The following IMMP2L variants were observed in gnomAD, a reference collection of about 807,000 sequenced individuals.
IMMP2L encodes the protein mitochondrial inner membrane protease subunit 2.
IMMP2L carries 18 observed loss-of-function variants against 19.3 expected under a neutral mutation model. The ratio of observed to expected loss-of-function variants is 0.93; its 90% CI spans 0.64 to 1.38. The LOEUF is 1.38. IMMP2L is among the 40% of genes most tolerant of loss of function. The pLI is 0.00. For synonymous variants in IMMP2L, 76 were observed against 73.0 expected (o/e 1.04, Z -0.21); for missense variants, 233 against 218.2 (o/e 1.07, Z -0.43).
intron 5 of IMMP2L, among the ~76,000 whole-genome samples, chr7:110,696,593 A>C (rs2130596554): frequency 6.6e-6 from 1 of 151,762 alleles, no homozygotes; most frequent in South Asian, 2.1e-4. Flanking sequence ...TGCCCGGCTG[A>C]TTTTTGTATT....
rs12705732 is a variant in IMMP2L at position 110,716,389 on chromosome 7, G to T, written c.409-52668C>A. 3.5e-3 allele frequency among the ~76,000 whole-genome samples: 530 copies of T among 152,006 alleles called. 4 individuals carry two copies. The highest frequency in any genetic ancestry group is 0.012 in the African/African-American group (499 of 41,482). ...GTTGCTATTGTGTGGTTGCTTTATA[G>T]GGTCTGAGGGCTATGTACGTAAGTG... is the stretch of plus-strand genomic sequence containing the variant. On this transcript the variant is annotated intron_variant, in intron 5 of 5. Coordinates refer to ENST00000405709, the MANE Select transcript of IMMP2L (RefSeq NM_032549.4).
intron 1 of IMMP2L, among the ~76,000 whole-genome samples, chr7:111,548,857 A>T (rs1449741899): frequency 6.6e-6 from 1 of 152,178 alleles, no homozygotes; most frequent in African/African-American, 2.4e-5. Context: ...GAGACTGGTC[A>T]TAAGTGCTTT....
At chr7:111,464,917 T>C (rs935619229) in intron 3 of IMMP2L, among the ~76,000 whole-genome samples, 1 of 152,084 alleles carries the variant, frequency 6.6e-6, no homozygotes, top group African/African-American at 2.4e-5. Context: ...GCCTCCCAAG[T>C]AGCTGGGACT....
At chr7:110,825,929 A>G (rs1236354703) in intron 5 of IMMP2L, among the ~76,000 whole-genome samples, 1 of 152,196 alleles carries the variant, frequency 6.6e-6, no homozygotes, top group Non-Finnish European at 1.5e-5. Flanking sequence ...AATTTTCGCA[A>G]TCTGGTCATC....
chr7:111,398,609 T>C (rs1833108169), intron 3 of IMMP2L, among the ~76,000 whole-genome samples: 1 of 151,992 alleles, frequency 6.6e-6, no homozygotes, highest in Non-Finnish European at 1.5e-5. Flanking sequence ...AGCATAGTAC[T>C]GGAAGTCCTA....
intron 5 of IMMP2L, among the ~76,000 whole-genome samples, chr7:110,665,285 T>C (rs1464091503): frequency 1.3e-5 from 2 of 152,228 alleles, no homozygotes; most frequent in Admixed American, 1.3e-4. Context: ...TATGTACATA[T>C]ATGAGACATG....
At chr7:110,817,713 T>C (rs1177653608) in intron 5 of IMMP2L, among the ~76,000 whole-genome samples, 1 of 152,018 alleles carries the variant, frequency 6.6e-6, no homozygotes, top group Non-Finnish European at 1.5e-5. Flanking sequence ...CTTCAAACTA[T>C]ACTACGAGGC....
At chr7:111,367,864 C>T (rs1047369848) in intron 3 of IMMP2L, among the ~76,000 whole-genome samples, 3 of 151,644 alleles carry the variant, frequency 2.0e-5, no homozygotes, top group African/African-American at 4.8e-5. Context: ...TACTTTAAAA[C>T]CAGTGGATAA....
chr7:111,127,979 C>T (rs1371471724), intron 3 of IMMP2L, among the ~76,000 whole-genome samples: 1 of 151,908 alleles, frequency 6.6e-6, no homozygotes, highest in African/African-American at 2.4e-5. Flanking sequence ...AGCTAAGCAG[C>T]AACAGGTTGG....
chr7:111,436,760 AAAG>A (rs1837211398), intron 3 of IMMP2L, among the ~76,000 whole-genome samples: 1 of 151,906 alleles, frequency 6.6e-6, no homozygotes. Context: ...GGTAATTTAT[AAAG>A]AAGAGGTTTA....
At chr7:111,343,758 G>T (rs2130813599) in intron 3 of IMMP2L, among the ~76,000 whole-genome samples, 1 of 152,182 alleles carries the variant, frequency 6.6e-6, no homozygotes, top group Admixed American at 6.5e-5. Flanking sequence ...GATGGTCTAG[G>T]TGTTCATTTA....
Position 111,123,693 on chromosome 7 carries a change from C to G in IMMP2L, c.240-160128G>C. The stretch of plus-strand genomic sequence containing the variant: ...CCATCGATAGTCTTGCTGTGGATAA[C>G]CTGCCAGATTTAAGAAAAATAGAAG... On this transcript the variant is annotated intron_variant, in intron 3 of 5. Coordinates refer to ENST00000405709, the MANE Select transcript of IMMP2L (RefSeq NM_032549.4). This position sits in a 1 kb window ranked among gnomAD's most constrained non-coding sequence, Gnocchi z 6.4. 6.2e-7 allele frequency: 1 copy of G among 1,613,800 alleles called. No homozygotes were observed. Among genetic ancestry groups the G allele is most frequent in the South Asian group, 1.1e-5 (1 of 91,070 alleles).
intron 5 of IMMP2L, among the ~76,000 whole-genome samples, chr7:110,784,151 G>T (rs2131100159): frequency 6.6e-6 from 1 of 151,822 alleles, no homozygotes; most frequent in African/African-American, 2.4e-5. Context: ...CCTCATCATT[G>T]GTATAATTCC....
intron 5 of IMMP2L, among the ~76,000 whole-genome samples, chr7:110,744,185 G>A (rs534620254): frequency 6.6e-6 from 1 of 152,168 alleles, no homozygotes; most frequent in African/African-American, 2.4e-5. Flanking sequence ...CAGAAAGGCT[G>A]CTGCAGCCAG....
At chr7:111,132,658 A>C (rs1381396568) in intron 3 of IMMP2L, among the ~76,000 whole-genome samples, 2 of 152,028 alleles carry the variant, frequency 1.3e-5, no homozygotes, top group African/African-American at 4.8e-5. Flanking sequence ...AAATTGTATA[A>C]TGTAGTTCAA....
chr7:110,807,797 C>T (rs1801733570), intron 5 of IMMP2L, among the ~76,000 whole-genome samples: 2 of 151,998 alleles, frequency 1.3e-5, no homozygotes, highest in Non-Finnish European at 2.9e-5. Flanking sequence ...CAAATCTTGT[C>T]ATCCTCACAA....
intron 3 of IMMP2L, among the ~76,000 whole-genome samples, chr7:111,101,296 T>C (rs139778488): frequency 1.0e-3 from 151 of 151,586 alleles, no homozygotes; most frequent in African/African-American, 3.5e-3. Context: ...TCCCTAGTCA[T>C]TGAACAGAAC....
At position 111,447,182 on chromosome 7, in the gene IMMP2L, G is replaced by A. The variant is rs531114446; in HGVS notation, c.239+40056C>T. Among the ~76,000 whole-genome samples the A allele has an allele frequency of 6.3e-3, 925 of 147,318 alleles. 6 individuals carry two copies. Among genetic ancestry groups the A allele is most frequent in the African/African-American group, 0.023 (877 of 38,908 alleles). On this transcript the variant is annotated intron_variant, in intron 3 of 5. Coordinates refer to ENST00000405709, the MANE Select transcript of IMMP2L (RefSeq NM_032549.4). ...CCCCAATCTAGCAAGGCAGGCCGAC[G>A]TTCAGATTCAGGAAATACAGAGAAC... is the stretch of plus-strand genomic sequence containing the variant.
chr7:111,156,524 T>C (rs1237197216), intron 3 of IMMP2L, among the ~76,000 whole-genome samples: 2 of 152,126 alleles, frequency 1.3e-5, no homozygotes, highest in Non-Finnish European at 2.9e-5. Context: ...GAATATTTAA[T>C]TGGGATTACA....
Sources: gnomAD v4.1 joint callset for allele counts (sites outside exome capture counted in the v4.1 genomes callset) on GRCh38, gnomAD v4.1.1 for gene constraint, Gnocchi (gnomAD v3.1) non-coding constraint, MANE v1.5 for transcripts, NCBI Gene and HGNC (gene_info 2026-07-23, HGNC 2026-07-21) for gene names.